CALCR: variants seen among roughly 807,000 people sequenced by gnomAD.
CALCR encodes calcitonin receptor.
A neutral mutation model predicts 59.5 loss-of-function variants in CALCR; 47 were observed. That is an observed-to-expected ratio of 0.79 (90% CI 0.63 to 1.01). The LOEUF (loss-of-function observed/expected upper bound fraction) is 1.01. Ranked by LOEUF, CALCR falls within the 50% of genes least tolerant of loss-of-function variation. The pLI, the probability that CALCR is intolerant of heterozygous loss-of-function variation, is 0.00. For missense variants in CALCR, 566 were observed against 597.1 expected (o/e 0.95, Z 0.54); for synonymous variants, 213 against 211.3 (o/e 1.01, Z -0.07).
chr7:93,443,650 C>A lies in CALCR; in HGVS notation c.756G>T (p.Val252=), dbSNP rs1317287757. ...IYLHTLIVVA[V]FTEKQRLRWY... is the part of the protein sequence containing the mutation. ...ACCGCAAGCGTTGCTTCTCAGTAAA[C>A]ACAGCCACGACAATGAGTGTATGAA... Residue 252 remains valine, a synonymous_variant, in exon 9 of 14, where the codon GTG becomes GTT. Transcript: ENST00000426151. The A allele has an allele frequency of 6.2e-6, 10 of 1,613,486 alleles. No individual in the cohort carries two copies. The highest frequency in any genetic ancestry group is 8.5e-6 in the Non-Finnish European group (10 of 1,179,588).
intron 2 of CALCR, among the ~76,000 whole-genome samples, chr7:93,559,086 C>T (rs1368759384): frequency 6.6e-6 from 1 of 152,098 alleles, no homozygotes; most frequent in African/African-American, 2.4e-5. Context: ...ATTCTTGTCC[C>T]TGTCATCAAC....
intron 2 of CALCR, among the ~76,000 whole-genome samples, chr7:93,513,120 C>T (rs1217239182): frequency 6.6e-6 from 1 of 152,114 alleles, no homozygotes; most frequent in Non-Finnish European, 1.5e-5. Flanking sequence ...CTGGAAATGC[C>T]ACTTCCTTGT....
intron 3 of CALCR, chr7:93,483,854 C>A: frequency 2.6e-6 from 1 of 381,500 alleles, no homozygotes. Context: ...GAATAAACAT[C>A]AGTTTTCAAA....
chr7:93,535,550 ATT>A (rs1788962196), intron 2 of CALCR, among the ~76,000 whole-genome samples: 1 of 151,792 alleles, frequency 6.6e-6, no homozygotes, highest in Admixed American at 6.6e-5. Flanking sequence ...TTATGACACT[ATT>A]ACTTCTATGA....
intron 2 of CALCR, among the ~76,000 whole-genome samples, chr7:93,549,324 ATCT>A (rs1789387943): frequency 6.6e-6 from 1 of 152,128 alleles, no homozygotes; most frequent in Non-Finnish European, 1.5e-5. Context: ...TCAAATGACT[ATCT>A]TAGTTCTAAA....
intron 2 of CALCR, among the ~76,000 whole-genome samples, chr7:93,503,484 G>A (rs950187732): frequency 1.3e-5 from 2 of 152,048 alleles, no homozygotes; most frequent in African/African-American, 4.8e-5. Context: ...AGGTGACAAA[G>A]ATGGTACTAG....
At chr7:93,474,579 C>T (rs1485843986) in intron 5 of CALCR, among the ~76,000 whole-genome samples, 1 of 151,624 alleles carries the variant, frequency 6.6e-6, no homozygotes, top group South Asian at 2.1e-4. Flanking sequence ...AATTAAATAA[C>T]ATAGAAATAA....
At chr7:93,446,731 G>C (rs1167965180) in intron 8 of CALCR, among the ~76,000 whole-genome samples, 1 of 151,884 alleles carries the variant, frequency 6.6e-6, no homozygotes, top group Non-Finnish European at 1.5e-5. Flanking sequence ...TAGCAGCATG[G>C]GGTATTAAGG....
chr7:93,476,425 GTA>G (rs912159507), intron 5 of CALCR, among the ~76,000 whole-genome samples: 1 of 151,576 alleles, frequency 6.6e-6, no homozygotes, highest in Non-Finnish European at 1.5e-5. Flanking sequence ...TTTAAGTTTG[GTA>G]TGTGTGTGTA....
intron 2 of CALCR, among the ~76,000 whole-genome samples, chr7:93,522,922 A>G (rs949615938): frequency 6.6e-6 from 1 of 152,216 alleles, no homozygotes; most frequent in African/African-American, 2.4e-5. Flanking sequence ...ATTTATTTTT[A>G]ATTAGCTTAT....
chr7:93,478,270 T>C (rs1185529871), intron 4 of CALCR, among the ~76,000 whole-genome samples: 1 of 151,878 alleles, frequency 6.6e-6, no homozygotes, highest in East Asian at 1.9e-4. Flanking sequence ...TTCAGTTGAC[T>C]TGATGTTTTT....
chr7:93,435,825 AAT>A lies in CALCR; in HGVS notation c.1149+125_1149+126del, dbSNP rs386359995. The A allele has an allele frequency of 1.9e-4, 54 of 284,996 alleles. 1 individual carries two copies. In the Middle Eastern group the frequency reaches 4.2e-3, roughly 22 times the overall value. 17.7% of individuals were successfully genotyped at this position (284,996 alleles called of 1,614,324 possible). A position where few individuals can be genotyped will look rare whatever the true frequency, so the allele number is the denominator to read the frequency against. On this transcript the variant is annotated intron_variant, in intron 12 of 13. Coordinates refer to ENST00000426151, the MANE Select transcript of CALCR (RefSeq NM_001742.4). ...TGTGTCAAAAAAAATAAAATAAAATAATAAATAAATAAATAAATAAATAAACA... is the reference window on the plus strand; with the variant it reads ...TGTGTCAAAAAAAATAAAATAAAATAAAATAAATAAATAAATAAATAAACA...
At chr7:93,449,591 A>G (rs954751285) in intron 8 of CALCR, among the ~76,000 whole-genome samples, 3 of 152,046 alleles carry the variant, frequency 2.0e-5, no homozygotes, top group African/African-American at 7.2e-5. Flanking sequence ...AAAATGAATA[A>G]GGCTTTGGGT....
chr7:93,475,706 T>A lies in CALCR; in HGVS notation c.316+1852A>T, dbSNP rs149254579. Among the ~76,000 whole-genome samples, 536 of 151,986 alleles carry A rather than the reference T, an allele frequency of 3.5e-3. 3 individuals carry two copies. Among genetic ancestry groups the A allele is most frequent in the African/African-American group, 0.012 (504 of 41,528 alleles). ...ATTTTTTGTTTTGTTTTAACTAAAG[T>A]CTGGATCGAGTCATTTCTTGGTTTT... On this transcript the variant is annotated intron_variant, in intron 5 of 13. Transcript: ENST00000426151.
intron 2 of CALCR, among the ~76,000 whole-genome samples, chr7:93,491,638 A>T (rs1034089445): frequency 6.6e-6 from 1 of 152,054 alleles, no homozygotes; most frequent in Non-Finnish European, 1.5e-5. Context: ...CACAGCCAAC[A>T]AACATGAAAT....
chr7:93,541,242 C>T (rs908061499), intron 2 of CALCR, among the ~76,000 whole-genome samples: 2 of 152,078 alleles, frequency 1.3e-5, no homozygotes, highest in Non-Finnish European at 2.9e-5. Flanking sequence ...GGCACGATTT[C>T]GGCTCACTGC....
At position 93,459,183 on chromosome 7, in the gene CALCR, T is replaced by C. The variant is rs546535499; in HGVS notation, c.648+1638A>G. Among the ~76,000 whole-genome samples, 3 of 152,302 alleles carry C rather than the reference T, an allele frequency of 2.0e-5. No individual in the cohort carries two copies. In the South Asian group the frequency reaches 6.2e-4, roughly 32 times the overall value. Reference sequence around the variant, plus strand: ...GTATCACAGCACCAAAGTGATTTGATTTTTAAAAAATTAATCTGGTAGATG... The same window carrying C: ...GTATCACAGCACCAAAGTGATTTGACTTTTAAAAAATTAATCTGGTAGATG... On this transcript the variant is annotated intron_variant, in intron 8 of 13. Transcript: ENST00000426151.
chr7:93,463,343 G>T (rs147032359), intron 7 of CALCR, among the ~76,000 whole-genome samples: 1 of 151,768 alleles, frequency 6.6e-6, no homozygotes, highest in South Asian at 2.1e-4. Context: ...CAGAGAAAAT[G>T]ATAGTTTAAA....
intron 9 of CALCR, among the ~76,000 whole-genome samples, chr7:93,440,612 T>C (rs1217380053): frequency 6.6e-6 from 1 of 152,024 alleles, no homozygotes; most frequent in East Asian, 1.9e-4. Flanking sequence ...CATTACATTT[T>C]AGAACTATTT....
Sources: gnomAD v4.1 joint callset for allele counts (sites outside exome capture counted in the v4.1 genomes callset) on GRCh38, gnomAD v4.1.1 for gene constraint, MANE v1.5 for transcripts, NCBI Gene and HGNC (gene_info 2026-07-23, HGNC 2026-07-21) for gene names.